The following GCKR variants were observed in gnomAD, a reference collection of about 807,000 sequenced individuals.
GCKR encodes the protein glucokinase regulatory protein.
GCKR carries 73 observed loss-of-function variants against 82.9 expected under a neutral mutation model. The ratio of observed to expected loss-of-function variants is 0.88; its 90% confidence interval spans 0.73 to 1.07. GCKR has a LOEUF of 1.07. GCKR is among the 50% of genes least tolerant of loss of function. GCKR has a pLI of 0.00. For missense variants in GCKR, 784 were observed against 782.1 expected, an observed-to-expected ratio of 1.00 and a Z score of -0.03; for synonymous variants, 294 against 291.8, an observed-to-expected ratio of 1.01 and a Z score of -0.08.
intron 16 of GCKR, among the ~76,000 whole-genome samples, chr2:27,517,783 G>A (rs1218796588): frequency 1.3e-5 from 2 of 152,112 alleles, no homozygotes; most frequent in South Asian, 2.1e-4. Flanking sequence ...GATACCACAT[G>A]TTTGAACAAT....
intron 16 of GCKR, 118 bp from the exon 17 acceptor site, chr2:27,518,670 T>C: frequency 1.2e-6 from 1 of 835,382 alleles, no homozygotes; most frequent in Non-Finnish European, 2.1e-6. Flanking sequence ...CAAATCATGT[T>C]TGCATTTTGG....
chr2:27,506,806 C>T lies in GCKR; in HGVS notation c.987C>T (p.His329=), dbSNP rs548780141. Reference sequence around the variant, plus strand: ...TTCTCAGTCTGGAGAAGAAAGGCCACGTGTACCTGGTTGGCTGGCAGACCC... The same window carrying T: ...TTCTCAGTCTGGAGAAGAAAGGCCATGTGTACCTGGTTGGCTGGCAGACCC... ...SVSTSLEKKG[H]VYLVGWQTLG... Residue 329 remains histidine (H), a synonymous_variant, in exon 12 of 19, where the codon CAC becomes CAT. Transcript: ENST00000264717. 62 of 1,611,992 alleles carry T rather than the reference C, an allele frequency of 3.8e-5. No homozygotes were observed. The highest frequency in any genetic ancestry group is 3.3e-4 in the South Asian group (30 of 91,054).
At chr2:27,520,284 G>T (rs1326031114) in intron 17 of GCKR, among the ~76,000 whole-genome samples, 1 of 152,038 alleles carries the variant, frequency 6.6e-6, no homozygotes, top group African/African-American at 2.4e-5. Context: ...ATGCATTATA[G>T]CAAAAAGAAG....
chr2:27,497,013 T>C, intron 1 of GCKR, 49 bp downstream of exon 1: 2 of 1,482,076 alleles, frequency 1.3e-6, no homozygotes, highest in African/African-American at 1.4e-5. Context: ...CCTAGAATTA[T>C]TTTTCATCCA....
Position 27,499,427 on chromosome 2 carries a change from A to G in GCKR, c.526A>G (p.Ile176Val). 2.5e-6 allele frequency: 4 copies of G among 1,612,460 alleles called. No individual in the cohort carries two copies. Among genetic ancestry groups the G allele is most frequent in the Non-Finnish European group, 2.5e-6 (3 of 1,178,472 alleles). ...VAAGKKRVIV[I>V]GISVGLSAPF... Reference sequence around the variant, plus strand: ...TGCCGGGAAGAAGAGAGTGATTGTCATTGGCATTTCTGTGGGACTCTCTGT... The same window carrying G: ...TGCCGGGAAGAAGAGAGTGATTGTCGTTGGCATTTCTGTGGGACTCTCTGT... The change falls in exon 7 of 19, where the codon ATT becomes GTT. Residue 176 changes from isoleucine to valine, a missense_variant. By Grantham distance (29) the Ile-to-Val change is conservative. Transcript: ENST00000264717.
At chr2:27,501,081 C>A in intron 7 of GCKR, 54 bp from the exon 8 acceptor site, 1 of 1,209,184 alleles carries the variant, frequency 8.3e-7, no homozygotes, top group Non-Finnish European at 1.2e-6. Flanking sequence ...GAGCCTTGGG[C>A]ACCACTCAGA....
At position 27,508,160 on chromosome 2, in the gene GCKR, C is replaced by G; in HGVS notation, c.1339-8C>G. 1 of 1,604,032 alleles carries G rather than the reference C, an allele frequency of 6.2e-7. No homozygotes were observed. The highest frequency in any genetic ancestry group is 8.5e-7 in the Non-Finnish European group (1 of 1,170,782). ...ATGCCTCTCCTGCTCCTCTTTCTCT[C>G]TCTCCAGATCCCTCTGAAGAAGCTC... On this transcript the variant is annotated splice_polypyrimidine_tract_variant and splice_region_variant and intron_variant, in intron 15 of 18. Transcript: ENST00000264717.
chr2:27,504,822 C>A (rs1166425552), intron 9 of GCKR, among the ~76,000 whole-genome samples: 1 of 151,914 alleles, frequency 6.6e-6, no homozygotes, highest in Non-Finnish European at 1.5e-5. Context: ...GGAGAAATTT[C>A]TTGGAAAGAA....
rs142644746 is a variant in GCKR, at chr2:27,501,377, A to G, written c.644+148A>G. 3.3e-3 allele frequency: 2,337 copies of G among 702,922 alleles called. 14 individuals are homozygous for G. Among genetic ancestry groups the G allele is most frequent in the Middle Eastern group, 3.0e-3 (8 of 2,686 alleles). The allele number at this position is 702,922 out of a possible 1,614,324, so 43.5% of individuals were successfully genotyped here. A position where few individuals can be genotyped will look rare whatever the true frequency, so the allele number is the denominator to read the frequency against. On this transcript the variant is annotated intron_variant, in intron 8 of 18. Coordinates refer to ENST00000264717, the MANE Select transcript of GCKR (RefSeq NM_001486.4). Reference sequence around the variant, plus strand: ...GTAAATATGGGGTGCCCCTAAGCTTATAAGGTTTTTTGTTTGTTGGTTGGT... The same window carrying G: ...GTAAATATGGGGTGCCCCTAAGCTTGTAAGGTTTTTTGTTTGTTGGTTGGT...
Position 27,503,496 on chromosome 2 carries a change from T to C in GCKR, c.645-18T>C, listed in dbSNP as rs1558435466. 7.6e-7 allele frequency: 1 copy of C among 1,319,894 alleles called. No individual in the cohort carries two copies. The highest frequency in any genetic ancestry group is 2.3e-5 in the East Asian group (1 of 43,574). The allele number at this position is 1,319,894 out of a possible 1,614,324, so 81.8% of individuals were successfully genotyped here. On this transcript the variant is annotated intron_variant, in intron 8 of 18. Coordinates refer to ENST00000264717, the MANE Select transcript of GCKR (RefSeq NM_001486.4). ...CCTCATAGACAATCTCCCCACCTTG[T>C]GTCTCTCTGGACCTCAGAAATGACC...
Position 27,503,611 on chromosome 2 carries a change from G to C in GCKR, c.742G>C (p.Ala248Pro). Residue 248 changes from alanine (A) to proline (P), a missense_variant, in exon 9 of 19, where the codon GCC (alanine) becomes CCC (proline). Transcript: ENST00000264717. ...ACAGAAAGCTTTTGTGCTCAATCCT[G>C]CCATCGGGGTAGGGCCTCTCCTTTT... ...EKQKAFVLNP[A>P]IGPEGLSGSS... 9 of 1,572,506 alleles carry C rather than the reference G, an allele frequency of 5.7e-6. No individual in the cohort carries two copies. Among genetic ancestry groups the C allele is most frequent in the Non-Finnish European group, 7.9e-6 (9 of 1,142,016 alleles).
intron 16 of GCKR, among the ~76,000 whole-genome samples, 170 bp downstream of exon 16, chr2:27,508,421 G>C (rs992859306): frequency 6.6e-6 from 1 of 152,208 alleles, no homozygotes; most frequent in African/African-American, 2.4e-5. Flanking sequence ...GAATTCCCAA[G>C]GCAATGAACT....
intron 16 of GCKR, among the ~76,000 whole-genome samples, chr2:27,516,292 T>G (rs1423722042): frequency 1.6e-4 from 22 of 135,102 alleles, no homozygotes; most frequent in Non-Finnish European, 2.8e-4. Context: ...TGTTTTTTTT[T>G]TTTTTTTTTT....
intron 7 of GCKR, among the ~76,000 whole-genome samples, chr2:27,500,660 C>T (rs933190735): frequency 6.6e-6 from 1 of 152,146 alleles, no homozygotes; most frequent in African/African-American, 2.4e-5. Context: ...TCACCTGGGA[C>T]TTGTTAGAAA....
chr2:27,506,911 C>A, intron 12 of GCKR, 26 bp downstream of exon 12: 1 of 1,375,128 alleles, frequency 7.3e-7, no homozygotes, highest in South Asian at 1.2e-5. Context: ...AGATGTTCTT[C>A]CTGCTTCCTC....
intron 5 of GCKR, 117 bp from the exon 6 acceptor site, chr2:27,499,025 G>A: frequency 2.7e-6 from 2 of 752,350 alleles, no homozygotes; most frequent in Non-Finnish European, 4.8e-6. Context: ...ACAAACTGTG[G>A]GTGCTCATTC....
At chr2:27,506,036 G>A (rs541628608) in intron 10 of GCKR, among the ~76,000 whole-genome samples, 200 bp downstream of exon 10, 36 of 152,248 alleles carry the variant, frequency 2.4e-4, no homozygotes, top group African/African-American at 8.7e-4. Context: ...GTTTCCAGTG[G>A]ATCCTGGATT....
At position 27,506,639 on chromosome 2, in the gene GCKR, G is replaced by A. The variant is rs966136234; in HGVS notation, c.968+60G>A. Reference sequence around the variant, plus strand: ...CCCGGATGGAGAATACTGAGAGCAGGGAGACTCTGTGAGACATGTTAACAC... The same window carrying A: ...CCCGGATGGAGAATACTGAGAGCAGAGAGACTCTGTGAGACATGTTAACAC... On this transcript the variant is annotated intron_variant, in intron 11 of 18. Coordinates refer to ENST00000264717, the MANE Select transcript of GCKR (RefSeq NM_001486.4). 5.5e-6 allele frequency: 7 copies of A among 1,268,908 alleles called. No homozygotes were observed. In the African/African-American group the frequency reaches 7.3e-5, roughly 13 times the overall value. The allele number at this position is 1,268,908 out of a possible 1,614,324, so 78.6% of individuals were successfully genotyped here.
chr2:27,510,715 G>A (rs1312729911), intron 16 of GCKR, among the ~76,000 whole-genome samples: 1 of 152,004 alleles, frequency 6.6e-6, no homozygotes, highest in East Asian at 1.9e-4. Context: ...TAATTATTGT[G>A]TAGGTGGACT....
Sources: gnomAD v4.1 joint callset for allele counts (sites outside exome capture counted in the v4.1 genomes callset) on GRCh38, gnomAD v4.1.1 for gene constraint, MANE v1.5 for transcripts, NCBI Gene and HGNC (gene_info 2026-07-23, HGNC 2026-07-21) for gene names.